The following PRTG variants were observed in gnomAD, a reference collection of about 807,000 sequenced individuals.
The protein encoded by PRTG is immunoglobulin superfamily, DCC subclass, member 5.
PRTG carries 67 observed loss-of-function variants against 122.5 expected under a neutral mutation model. The observed-to-expected ratio is 0.55, with a 90% CI of 0.45 to 0.67. PRTG has a LOEUF of 0.67. Among genes scored for constraint, PRTG ranks in the 30% least tolerant of loss-of-function variants. PRTG has a pLI of 0.00. For missense variants in PRTG, 1,435 were observed against 1,415.4 expected (o/e 1.01, Z -0.22); for synonymous variants, 554 against 501.1 (o/e 1.11, Z -1.41).
chr15:55,647,181 G>C (rs1441251546), intron 11 of PRTG, among the ~76,000 whole-genome samples: 1 of 152,120 alleles, frequency 6.6e-6, no homozygotes, highest in Admixed American at 6.5e-5. Context: ...TTGGGAAGCT[G>C]AGGCAGAAGA....
chr15:55,734,185 G>A (rs879567911), intron 2 of PRTG, among the ~76,000 whole-genome samples: 2 of 152,146 alleles, frequency 1.3e-5, no homozygotes, highest in Admixed American at 6.5e-5. Flanking sequence ...CCAAGGCTGA[G>A]ATACCTAACT....
At position 55,682,746 on chromosome 15, in the gene PRTG, A is replaced by T. The variant is rs147224747; in HGVS notation, c.543-249T>A. Among the ~76,000 whole-genome samples the T allele has an allele frequency of 3.9e-5, 6 of 152,042 alleles. No individual in the cohort carries two copies. The East Asian group carries it at 1.2e-3, about 29-fold the overall frequency. On this transcript the variant is annotated intron_variant, in intron 3 of 19. Transcript: ENST00000389286. ...CCCAGCTGATTTCTGTATTTTTAGT[A>T]GAGATGGGGTTTCACCATGATGATC...
intron 8 of PRTG, among the ~76,000 whole-genome samples, chr15:55,676,633 T>C (rs1022973917): frequency 6.6e-6 from 1 of 152,158 alleles, no homozygotes; most frequent in Non-Finnish European, 1.5e-5. Context: ...AGGAGCTGCA[T>C]AGTACGATTT....
chr15:55,699,457 T>C (rs1477475093), intron 2 of PRTG, among the ~76,000 whole-genome samples: 1 of 152,218 alleles, frequency 6.6e-6, no homozygotes. Context: ...TCATTAAATG[T>C]CCACCAAAAT....
At chr15:55,734,261 GTCAA>G (rs1257967286) in intron 2 of PRTG, among the ~76,000 whole-genome samples, 15 of 152,264 alleles carry the variant, frequency 9.9e-5, no homozygotes, top group African/African-American at 2.6e-4. Flanking sequence ...AAGCCACTGA[GTCAA>G]TCACATTCTG....
At position 55,615,446 on chromosome 15, in the gene PRTG, C is replaced by T. The variant is rs1284998319; in HGVS notation, c.*4566G>A. On this transcript the variant is annotated 3_prime_UTR_variant, in exon 20 of 20. Transcript: ENST00000389286. Reference sequence around the variant, plus strand: ...AGAAGATTAAAGCCTGAAACATACACATTGCATTAGCCTGTGATCTTATGT... The same window carrying T: ...AGAAGATTAAAGCCTGAAACATACATATTGCATTAGCCTGTGATCTTATGT... 1.3e-5 allele frequency: 2 copies of T among 152,100 alleles called. No homozygotes were observed. Among genetic ancestry groups the T allele is most frequent in the African/African-American group, 4.8e-5 (2 of 41,434 alleles). 9.4% of individuals were successfully genotyped at this position (152,100 alleles called of 1,614,324 possible).
intron 18 of PRTG, among the ~76,000 whole-genome samples, chr15:55,621,735 G>A (rs1174915701): frequency 6.6e-6 from 1 of 151,908 alleles, no homozygotes; most frequent in Non-Finnish European, 1.5e-5. Context: ...CAATATAATA[G>A]GTTTATTTTT....
At chr15:55,706,478 C>T (rs898189580) in intron 2 of PRTG, among the ~76,000 whole-genome samples, 7 of 148,766 alleles carry the variant, frequency 4.7e-5, no homozygotes, top group African/African-American at 7.5e-5. Flanking sequence ...GGTGGCCGGG[C>T]ACAGTGGCTC....
chr15:55,735,801 C>T (rs981688255), intron 2 of PRTG, among the ~76,000 whole-genome samples: 2 of 150,462 alleles, frequency 1.3e-5, no homozygotes, highest in Non-Finnish European at 3.0e-5. Flanking sequence ...GAGAAATGAT[C>T]CTCACTAATC....
intron 2 of PRTG, among the ~76,000 whole-genome samples, chr15:55,691,154 G>A (rs1261217996): frequency 1.3e-5 from 2 of 151,990 alleles, no homozygotes; most frequent in Non-Finnish European, 2.9e-5. Flanking sequence ...AAATTAGCTG[G>A]GTGTGGTGGC....
intron 2 of PRTG, among the ~76,000 whole-genome samples, chr15:55,731,741 T>C (rs1216167197): frequency 6.6e-6 from 1 of 152,202 alleles, no homozygotes; most frequent in Non-Finnish European, 1.5e-5. Context: ...AAAATACTAA[T>C]ACATTAGCAA....
chr15:55,654,175 C>T (rs998481791), intron 11 of PRTG, among the ~76,000 whole-genome samples: 4 of 152,172 alleles, frequency 2.6e-5, no homozygotes, highest in Non-Finnish European at 4.4e-5. Flanking sequence ...AAAGGAACCT[C>T]ACTGGCCCCA....
intron 2 of PRTG, among the ~76,000 whole-genome samples, chr15:55,724,878 C>A (rs1277243451): frequency 6.6e-6 from 1 of 152,178 alleles, no homozygotes; most frequent in Non-Finnish European, 1.5e-5. Context: ...ACAGCTGAGG[C>A]AACTCATTAC....
In PRTG at chr15:55,683,784, T is replaced by C. The variant is rs551626672; in HGVS notation, c.542+3A>G. 6.2e-6 allele frequency: 10 copies of C among 1,609,896 alleles called. No homozygotes were observed. In the Admixed American group the frequency reaches 6.7e-5, roughly 11 times the overall value. On this transcript the variant is annotated splice_donor_region_variant and intron_variant, in intron 3 of 19. Coordinates refer to ENST00000389286, the MANE Select transcript of PRTG (RefSeq NM_173814.6). Reference sequence around the variant, plus strand: ...ATCTCCAAAGACAAAAATCTACATCTACCTGTCCATAGTCATAGGTAGAGT... The same window carrying C: ...ATCTCCAAAGACAAAAATCTACATCCACCTGTCCATAGTCATAGGTAGAGT...
chr15:55,695,184 G>C (rs1195637385), intron 2 of PRTG, among the ~76,000 whole-genome samples: 1 of 151,938 alleles, frequency 6.6e-6, no homozygotes, highest in African/African-American at 2.4e-5. Flanking sequence ...TATTTGACTA[G>C]AAAGCAACAC....
intron 2 of PRTG, among the ~76,000 whole-genome samples, chr15:55,720,519 T>G (rs2030775827): frequency 6.6e-6 from 1 of 152,238 alleles, no homozygotes; most frequent in Admixed American, 6.5e-5. Context: ...TGTGAAACTT[T>G]GACATTTCTC....
At position 55,612,858 on chromosome 15, in the gene PRTG, G is replaced by T. The variant is rs1324995794; in HGVS notation, c.*7154C>A. On this transcript the variant is annotated 3_prime_UTR_variant, in exon 20 of 20. Coordinates refer to ENST00000389286, the MANE Select transcript of PRTG (RefSeq NM_173814.6). ...CTAACATATGAGTGTTTCCATTTCAGCTATATCTTTTACCAACCACTTTCT... is the reference window on the plus strand; with the variant it reads ...CTAACATATGAGTGTTTCCATTTCATCTATATCTTTTACCAACCACTTTCT... 2 of 151,104 alleles carry T rather than the reference G, an allele frequency of 1.3e-5. No individual in the cohort carries two copies. The highest frequency in any genetic ancestry group is 4.9e-5 in the African/African-American group (2 of 40,886). 9.4% of individuals were successfully genotyped at this position (151,104 alleles called of 1,614,324 possible). A position where few individuals can be genotyped will look rare whatever the true frequency, so the allele number is the denominator to read the frequency against.
At chr15:55,721,109 T>C (rs1405903976) in intron 2 of PRTG, among the ~76,000 whole-genome samples, 1 of 152,222 alleles carries the variant, frequency 6.6e-6, no homozygotes, top group Non-Finnish European at 1.5e-5. Flanking sequence ...ACTGGCATCA[T>C]CCTGAACTTT....
At chr15:55,684,013 T>C in intron 2 of PRTG, 82 bp from the exon 3 acceptor site, 1 of 1,207,554 alleles carries the variant, frequency 8.3e-7, no homozygotes, top group East Asian at 2.6e-5. Context: ...TATTACTTAT[T>C]GGACTTGAAC....
Sources: allele counts gnomAD v4.1 joint callset (sites outside exome capture counted in the v4.1 genomes callset), GRCh38; gene constraint gnomAD v4.1.1; transcripts MANE v1.5; gene names NCBI Gene and HGNC (gene_info 2026-07-23, HGNC 2026-07-21).